Variants in ADAMTS9 observed in about 807,000 individuals in gnomAD.
ADAMTS9 encodes the protein ADAM metallopeptidase with thrombospondin type 1 motif 9, also known as A disintegrin and metalloproteinase with thrombospondin motifs 9.
A neutral mutation model predicts 257.1 loss-of-function variants in ADAMTS9; 107 were observed. That is an observed-to-expected ratio of 0.42 (90% CI 0.36 to 0.49). The LOEUF (loss-of-function observed/expected upper bound fraction) is 0.49, where lower values mean the gene tolerates loss of function less well. Ranked by LOEUF, ADAMTS9 falls within the 20% of genes least tolerant of loss-of-function variation. ADAMTS9 has a pLI of 0.03. For synonymous variants in ADAMTS9, 982 were observed against 880.9 expected (o/e 1.11, Z -2.03); for missense variants, 2,353 against 2,469.1 (o/e 0.95, Z 1.00).
intron 3 of ADAMTS9, among the ~76,000 whole-genome samples, chr3:64,675,560 A>G (rs6776226): frequency 0.19 from 28,202 of 152,120 alleles, 3,062 homozygotes; most frequent in Non-Finnish European, 0.25. Context: ...TGAAGGCTAT[A>G]GTAAGCTATG....
intron 22 of ADAMTS9, among the ~76,000 whole-genome samples, chr3:64,607,801 C>A (rs771950380): frequency 4.6e-5 from 7 of 152,124 alleles, no homozygotes; most frequent in Non-Finnish European, 1.0e-4. Flanking sequence ...AAAGAAGCCA[C>A]TCAATTTTGG....
intron 3 of ADAMTS9, among the ~76,000 whole-genome samples, chr3:64,678,148 A>C (rs1256390259): frequency 4.6e-5 from 7 of 152,176 alleles, no homozygotes; most frequent in Admixed American, 4.6e-4. Flanking sequence ...AGGCTAGGGA[A>C]GGTTCGGATG....
chr3:64,613,393 A>G lies in ADAMTS9; in HGVS notation c.3306T>C (p.Thr1102=). The G allele has an allele frequency of 6.2e-7, 1 of 1,614,006 alleles. No individual in the cohort carries two copies. The highest frequency in any genetic ancestry group is 8.5e-7 in the Non-Finnish European group (1 of 1,179,908). ...AGGATGCACATTCCGGCTGCTGACA[A>G]GTCTGCATAGATGTTGGCTTGGTCT... ...DPETKPTSMQ[T]CQQPECASWQ... is the part of the protein sequence containing the mutation. Residue 1102 remains threonine (T), a synonymous_variant, in exon 22 of 40, where the codon ACT becomes ACC. Transcript: ENST00000498707.
chr3:64,634,197 G>C (rs9869475), intron 12 of ADAMTS9, among the ~76,000 whole-genome samples: 48,859 of 152,004 alleles, frequency 0.32, 10,992 homozygotes, highest in African/African-American at 0.61. Context: ...GCCTGAATCT[G>C]AATCTATTAG....
At chr3:64,662,253 C>G (rs1450773769) in intron 3 of ADAMTS9, among the ~76,000 whole-genome samples, 1 of 152,022 alleles carries the variant, frequency 6.6e-6, no homozygotes, top group Non-Finnish European at 1.5e-5. Flanking sequence ...AATTTTGTTA[C>G]ATTGTGATCA....
intron 19 of ADAMTS9, among the ~76,000 whole-genome samples, chr3:64,620,475 T>A (rs114023379): frequency 1.3e-4 from 20 of 150,558 alleles, no homozygotes; most frequent in Non-Finnish European, 1.9e-4. Flanking sequence ...TCATGCAGAG[T>A]ATAAAATGCA....
intron 28 of ADAMTS9, among the ~76,000 whole-genome samples, chr3:64,593,523 T>C (rs1226257159): frequency 6.6e-6 from 1 of 152,228 alleles, no homozygotes; most frequent in African/African-American, 2.4e-5. Context: ...CTGATGCTTC[T>C]GTTTGCCAAG....
At position 64,566,809 on chromosome 3, in the gene ADAMTS9, G is replaced by A. The variant is rs191433983; in HGVS notation, c.4524+1559C>T. Among the ~76,000 whole-genome samples the A allele has an allele frequency of 4.2e-4, 64 of 151,844 alleles. No individual in the cohort carries two copies. The South Asian group carries it at 0.011, about 26-fold the overall frequency. On this transcript the variant is annotated intron_variant, in intron 29 of 39. Coordinates refer to ENST00000498707, the MANE Select transcript of ADAMTS9 (RefSeq NM_182920.2). ...GTCCACAAGAGACAAGCTAATTAGC[G>A]TGGTATCTTAAATAATGCTAGCTGC...
At chr3:64,540,409 C>A (rs908105402) in intron 36 of ADAMTS9, among the ~76,000 whole-genome samples, 1 of 152,080 alleles carries the variant, frequency 6.6e-6, no homozygotes, top group Non-Finnish European at 1.5e-5. Flanking sequence ...GATTAATGTC[C>A]CCAACAGAGA....
At chr3:64,559,491 A>G (rs2083385743) in intron 30 of ADAMTS9, among the ~76,000 whole-genome samples, 1 of 152,212 alleles carries the variant, frequency 6.6e-6, no homozygotes, top group Admixed American at 6.5e-5. Context: ...GGTGACTATT[A>G]GACTCTGCTT....
At chr3:64,525,229 C>A (rs1455490088) in intron 38 of ADAMTS9, among the ~76,000 whole-genome samples, 1 of 152,176 alleles carries the variant, frequency 6.6e-6, no homozygotes, top group Non-Finnish European at 1.5e-5. Flanking sequence ...AAGCTGAATT[C>A]TTCTTTTGGA....
At chr3:64,621,925 C>T (rs1700117304) in intron 18 of ADAMTS9, among the ~76,000 whole-genome samples, 1 of 151,890 alleles carries the variant, frequency 6.6e-6, no homozygotes, top group African/African-American at 2.4e-5. Context: ...TAAAACCATG[C>T]TCTGGAAAAT....
chr3:64,682,828 AGCAGCACTAG>A (rs1220562308), intron 2 of ADAMTS9, among the ~76,000 whole-genome samples: 1 of 152,254 alleles, frequency 6.6e-6, no homozygotes, highest in African/African-American at 2.4e-5. Context: ...ATAAAGTATG[AGCAGCACTAG>A]GCTAAGACGT....
chr3:64,676,595 G>A (rs566952741), intron 3 of ADAMTS9, among the ~76,000 whole-genome samples: 120 of 151,480 alleles, frequency 7.9e-4, no homozygotes, highest in African/African-American at 2.9e-3. Context: ...TCTGTGTTTG[G>A]TAACATAAAT....
intron 16 of ADAMTS9, among the ~76,000 whole-genome samples, chr3:64,628,853 T>C (rs1329808203): frequency 1.3e-5 from 2 of 152,200 alleles, no homozygotes; most frequent in East Asian, 3.9e-4. Flanking sequence ...ACCAATCATA[T>C]GTAGGCTTCA....
intron 3 of ADAMTS9, among the ~76,000 whole-genome samples, chr3:64,673,216 G>C (rs982091778): frequency 1.3e-5 from 2 of 152,100 alleles, no homozygotes; most frequent in Admixed American, 1.3e-4. Flanking sequence ...CTATTGATAG[G>C]AACATCACAA....
Position 64,515,762 on chromosome 3 carries a change from G to A in ADAMTS9, c.*1365C>T, listed in dbSNP as rs1575966717. ...ATAACTTTTCCTGGAGCACTCTAGAGCTTGTTTGGAGTTGGAGAATACTGC... is the reference window on the plus strand; with the variant it reads ...ATAACTTTTCCTGGAGCACTCTAGAACTTGTTTGGAGTTGGAGAATACTGC... On this transcript the variant is annotated 3_prime_UTR_variant, in exon 40 of 40. Transcript: ENST00000498707. The A allele has an allele frequency of 6.6e-6, 1 of 152,174 alleles. No individual in the cohort carries two copies. Among genetic ancestry groups the A allele is most frequent in the South Asian group, 2.1e-4 (1 of 4,826 alleles). 9.4% of individuals were successfully genotyped at this position (152,174 alleles called of 1,614,324 possible). A position where few individuals can be genotyped will look rare whatever the true frequency, so the allele number is the denominator to read the frequency against.
chr3:64,645,715 T>G (rs1427917654), intron 11 of ADAMTS9, among the ~76,000 whole-genome samples: 1 of 152,292 alleles, frequency 6.6e-6, no homozygotes, highest in East Asian at 1.9e-4. Flanking sequence ...CAACTAAAAA[T>G]GGATCTATCA....
intron 2 of ADAMTS9, among the ~76,000 whole-genome samples, chr3:64,682,480 T>C (rs1323673022): frequency 6.6e-6 from 1 of 152,152 alleles, no homozygotes; most frequent in African/African-American, 2.4e-5. Context: ...TACCTCAAGA[T>C]TGAACCACCC....
Sources: gnomAD v4.1 joint callset for allele counts (sites outside exome capture counted in the v4.1 genomes callset) on GRCh38, gnomAD v4.1.1 for gene constraint, MANE v1.5 for transcripts, NCBI Gene and HGNC (gene_info 2026-07-23, HGNC 2026-07-21) for gene names.